The following PSPC1 variants were observed in gnomAD, a reference collection of about 807,000 sequenced individuals.
The protein encoded by PSPC1 is paraspeckle component 1, also known as paraspeckle protein 1.
In PSPC1, 14 loss-of-function variants were observed where a neutral mutation model predicts 51.6. The observed-to-expected ratio is 0.27, with a 90% CI of 0.18 to 0.42. The LOEUF (loss-of-function observed/expected upper bound fraction) is 0.42, where lower values mean the gene tolerates loss of function less well. Among genes scored for constraint, PSPC1 ranks in the 10% least tolerant of loss-of-function variants. The pLI, the probability that PSPC1 is intolerant of heterozygous loss-of-function variation, is 1.00. For synonymous variants in PSPC1, 193 were observed against 231.9 expected, an observed-to-expected ratio of 0.83 and a Z score of 1.53; for missense variants, 406 against 701.1, an observed-to-expected ratio of 0.58 and a Z score of 4.75.
intron 4 of PSPC1, among the ~76,000 whole-genome samples, chr13:19,748,093 A>T (rs1331367096): frequency 1.3e-5 from 2 of 152,140 alleles, no homozygotes; most frequent in African/African-American, 4.8e-5. Context: ...TACACCTGTA[A>T]TCCTAGCTAC....
At chr13:19,724,714 C>T (rs1029437389) in intron 6 of PSPC1, among the ~76,000 whole-genome samples, 6 of 151,832 alleles carry the variant, frequency 4.0e-5, no homozygotes, top group Admixed American at 1.3e-4. Context: ...CTTTGCCGAG[C>T]GTGGGCCGGG....
intron 3 of PSPC1, among the ~76,000 whole-genome samples, chr13:19,757,129 CAAAAAA>C (rs56303316): frequency 9.1e-6 from 1 of 110,034 alleles, no homozygotes; most frequent in Non-Finnish European, 1.9e-5. Flanking sequence ...GACTCCGTCT[CAAAAAA>C]AAAAAAAAAA....
chr13:19,704,283 G>A (rs1324589374), intron 8 of PSPC1, among the ~76,000 whole-genome samples: 2 of 152,222 alleles, frequency 1.3e-5, no homozygotes, highest in East Asian at 1.9e-4. Context: ...TGTGTTAAGC[G>A]CCATCTGTTC....
At chr13:19,753,108 G>A (rs1053788503) in intron 3 of PSPC1, among the ~76,000 whole-genome samples, 28 of 151,508 alleles carry the variant, frequency 1.8e-4, no homozygotes, top group East Asian at 5.9e-4. Context: ...TGGCGAAACC[G>A]CCCCTCTCTA....
At chr13:19,767,124 C>T (rs900035614) in intron 2 of PSPC1, among the ~76,000 whole-genome samples, 3 of 151,740 alleles carry the variant, frequency 2.0e-5, no homozygotes, top group South Asian at 2.1e-4. Flanking sequence ...GCCTAGCCAA[C>T]ATGGTGAAAC....
chr13:19,697,535 C>A (rs905408749), downstream of PSPC1, among the ~76,000 whole-genome samples: 1 of 152,120 alleles, frequency 6.6e-6, no homozygotes, highest in Non-Finnish European at 1.5e-5. Context: ...TTTTTGTAGA[C>A]AATTACTCCC....
intron 6 of PSPC1, among the ~76,000 whole-genome samples, chr13:19,718,148 T>C (rs910895055): frequency 6.6e-6 from 1 of 152,208 alleles, no homozygotes; most frequent in Non-Finnish European, 1.5e-5. Flanking sequence ...AGTGAATGCT[T>C]GGAAAACTTA....
chr13:19,764,636 T>C (rs1170329221), intron 2 of PSPC1, among the ~76,000 whole-genome samples: 1 of 137,826 alleles, frequency 7.3e-6, no homozygotes. Context: ...CAATGAGCTA[T>C]GATCGTGCCA....
At chr13:19,699,600 A>G (rs1160995434), downstream of PSPC1, among the ~76,000 whole-genome samples, 2 of 152,038 alleles carry the variant, frequency 1.3e-5, no homozygotes, top group African/African-American at 4.8e-5. Flanking sequence ...TTCGATTTCA[A>G]GAAATGAATC....
chr13:19,780,915 G>C (rs1889887418), intron 1 of PSPC1, among the ~76,000 whole-genome samples: 1 of 152,134 alleles, frequency 6.6e-6, no homozygotes, highest in Admixed American at 6.6e-5. Flanking sequence ...CCAGCACTTT[G>C]GGAGGCCAAG....
intron 6 of PSPC1, among the ~76,000 whole-genome samples, chr13:19,725,114 T>C (rs942472701): frequency 4.6e-5 from 7 of 152,094 alleles, no homozygotes; most frequent in Admixed American, 1.3e-4. Context: ...GAGGCAGAGG[T>C]TGCAGTGAGC....
chr13:19,721,761 C>T (rs754910918), intron 6 of PSPC1, among the ~76,000 whole-genome samples: 2 of 152,146 alleles, frequency 1.3e-5, no homozygotes, highest in African/African-American at 2.4e-5. Flanking sequence ...ACCTCCCAGA[C>T]GACCTGTAAG....
At chr13:19,679,101 A>T (rs1876990725) in intron 6 of PSPC1, 1 of 152,182 alleles carries the variant, frequency 6.6e-6, no homozygotes, top group Non-Finnish European at 1.5e-5. Flanking sequence ...ACAAAAAATT[A>T]TTTTTTATAT....
At chr13:19,677,201 C>T (rs939476033) in intron 7 of PSPC1, among the ~76,000 whole-genome samples, 1 of 149,800 alleles carries the variant, frequency 6.7e-6, no homozygotes, top group Non-Finnish European at 1.5e-5. Flanking sequence ...CCACTGCACT[C>T]CAGCCTGGGC....
chr13:19,686,129 C>A (rs1330587918), intron 6 of PSPC1, among the ~76,000 whole-genome samples: 1 of 152,200 alleles, frequency 6.6e-6, no homozygotes, highest in African/African-American at 2.4e-5. Flanking sequence ...TAATTCCTTT[C>A]TAAAAAATAA....
intron 6 of PSPC1, among the ~76,000 whole-genome samples, chr13:19,688,965 A>G (rs1457506191): frequency 6.8e-6 from 1 of 146,922 alleles, no homozygotes; most frequent in Non-Finnish European, 1.5e-5. Flanking sequence ...AAACTCTTAA[A>G]AAAAAAAAAA....
intron 6 of PSPC1, among the ~76,000 whole-genome samples, chr13:19,691,332 G>A (rs528375318): frequency 6.6e-6 from 1 of 151,854 alleles, no homozygotes; most frequent in Admixed American, 6.5e-5. Context: ...ACCAGCCTGG[G>A]AGCCTGGGCA....
chr13:19,773,319 G>A (rs942624375), intron 1 of PSPC1, among the ~76,000 whole-genome samples: 3 of 141,414 alleles, frequency 2.1e-5, no homozygotes, highest in Non-Finnish European at 4.5e-5. Flanking sequence ...GCGTAATCTC[G>A]GCTCACTGTA....
intron 2 of PSPC1, among the ~76,000 whole-genome samples, chr13:19,766,413 C>T (rs1888073113): frequency 6.6e-6 from 1 of 152,166 alleles, no homozygotes; most frequent in African/African-American, 2.4e-5. Flanking sequence ...ATCCTACCAG[C>T]CAAGAGCGGT....
Sources: gnomAD v4.1 joint callset for allele counts (sites outside exome capture counted in the v4.1 genomes callset) on GRCh38, gnomAD v4.1.1 for gene constraint, MANE v1.5 for transcripts, NCBI Gene and HGNC (gene_info 2026-07-23, HGNC 2026-07-21) for gene names.